CCDC148: variants seen among roughly 807,000 people sequenced by gnomAD.
CCDC148 encodes the protein coiled-coil domain-containing protein 148.
A neutral mutation model predicts 85.7 loss-of-function variants in CCDC148; 89 were observed. The ratio of observed to expected loss-of-function variants is 1.04; its 90% CI spans 0.87 to 1.24. The LOEUF (loss-of-function observed/expected upper bound fraction) is 1.24. Among genes scored for constraint, CCDC148 ranks in the 50% most tolerant of loss-of-function variants. The pLI, the probability that CCDC148 is intolerant of heterozygous loss-of-function variation, is 0.00. For missense variants in CCDC148, 692 were observed against 671.7 expected, an observed-to-expected ratio of 1.03 and a Z score of -0.33; for synonymous variants, 230 against 213.9, an observed-to-expected ratio of 1.08 and a Z score of -0.66.
chr2:158,447,819 T>C (rs1033844443), intron 1 of CCDC148, among the ~76,000 whole-genome samples: 1 of 152,200 alleles, frequency 6.6e-6, no homozygotes, highest in Admixed American at 6.5e-5. Context: ...GACCTAGGAA[T>C]TTTTTCACAG....
chr2:158,269,597 G>A (rs1393710815), intron 9 of CCDC148, among the ~76,000 whole-genome samples: 3 of 152,128 alleles, frequency 2.0e-5, no homozygotes, highest in Non-Finnish European at 4.4e-5. Flanking sequence ...ATGAGTACAT[G>A]TTTCTCTCTT....
intron 1 of CCDC148, among the ~76,000 whole-genome samples, chr2:158,391,082 A>G (rs1487655001): frequency 6.6e-6 from 1 of 152,180 alleles, no homozygotes; most frequent in Non-Finnish European, 1.5e-5. Flanking sequence ...TATTCTTATT[A>G]CATTCTAGAC....
intron 1 of CCDC148, among the ~76,000 whole-genome samples, chr2:158,432,728 A>C (rs1191231321): frequency 6.6e-6 from 1 of 152,098 alleles, no homozygotes; most frequent in Non-Finnish European, 1.5e-5. Context: ...ACACACCCCA[A>C]GTCTTTTCAA....
intron 1 of CCDC148, chr2:158,424,802 T>C (rs1001253940): frequency 5.0e-6 from 1 of 200,738 alleles, no homozygotes; most frequent in East Asian, 1.5e-4. Flanking sequence ...TTAAAGAATA[T>C]ATTGGAGCCT....
intron 1 of CCDC148, among the ~76,000 whole-genome samples, chr2:158,439,027 G>A (rs1361259610): frequency 1.3e-5 from 2 of 152,174 alleles, no homozygotes; most frequent in Non-Finnish European, 2.9e-5. Flanking sequence ...CACTGTTGGT[G>A]GGACTGTAAA....
chr2:158,345,075 T>G (rs1682924856), intron 3 of CCDC148, 140 bp downstream of exon 3: 1 of 556,022 alleles, frequency 1.8e-6, no homozygotes, highest in Non-Finnish European at 3.1e-6. Context: ...GAAAGGATTT[T>G]AATTTGACTC....
intron 1 of CCDC148, among the ~76,000 whole-genome samples, chr2:158,390,392 T>C (rs1161752863): frequency 1.3e-5 from 2 of 151,984 alleles, no homozygotes; most frequent in Non-Finnish European, 2.9e-5. Context: ...AGAGTCCAAG[T>C]TTGGAATTAA....
At chr2:158,230,366 C>G (rs1046167657) in intron 10 of CCDC148, among the ~76,000 whole-genome samples, 19 of 152,238 alleles carry the variant, frequency 1.2e-4, no homozygotes, top group African/African-American at 4.1e-4. Flanking sequence ...AATAGGACAT[C>G]TGGATGACAT....
chr2:158,377,835 C>T (rs372095999), intron 1 of CCDC148, among the ~76,000 whole-genome samples: 1 of 152,062 alleles, frequency 6.6e-6, no homozygotes, highest in East Asian at 1.9e-4. Context: ...ACTGCATGCA[C>T]ATAAGAAAGC....
Position 158,314,331 on chromosome 2 carries a change from G to A in CCDC148, c.765-437C>T, listed in dbSNP as rs527809206. ...ACAGTTAAATGAGCAATTATGTAAC[G>A]GAAAATAAAGACAGACTGAGGAAGA... On this transcript the variant is annotated intron_variant, in intron 7 of 13. Coordinates refer to ENST00000283233, the MANE Select transcript of CCDC148 (RefSeq NM_138803.4). Among the ~76,000 whole-genome samples, 80 of 152,234 alleles carry A rather than the reference G, an allele frequency of 5.3e-4. No homozygotes were observed. The East Asian group carries it at 7.7e-3, about 15-fold the overall frequency.
At chr2:158,271,129 T>C (rs2602204) in intron 9 of CCDC148, among the ~76,000 whole-genome samples, 138,964 of 152,214 alleles carry the variant, frequency 0.91, 63,524 homozygotes, top group East Asian at 0.98. Context: ...TCATCATCAC[T>C]TTCACTTTCA....
rs373844960 is a variant in CCDC148, at chr2:158,259,836, C to CT, written c.1111-8925dup. Among the ~76,000 whole-genome samples the CT allele has an allele frequency of 4.5e-3, 681 of 152,010 alleles. 2 individuals are homozygous for CT. The highest frequency in any genetic ancestry group is 0.016 in the African/African-American group (646 of 41,516). On this transcript the variant is annotated intron_variant, in intron 9 of 13. Coordinates refer to ENST00000283233, the MANE Select transcript of CCDC148 (RefSeq NM_138803.4). Reference sequence around the variant, plus strand: ...TCCTCCCCACTCCTACACGTCCTTGCTTATCTCCATCCCAGGCCTTGCCTG... The same window carrying CT: ...TCCTCCCCACTCCTACACGTCCTTGCTTTATCTCCATCCCAGGCCTTGCCTG...
rs766790880 is a variant in CCDC148, at chr2:158,250,945, C to G, written c.1111-33G>C. On this transcript the variant is annotated intron_variant, in intron 9 of 13. Coordinates refer to ENST00000283233, the MANE Select transcript of CCDC148 (RefSeq NM_138803.4). ...AAAGAGAAAAACTTCATTCCAGTAA[C>G]TATGCACACTGAAGTTATTTCATAG... is the stretch of plus-strand genomic sequence containing the variant. 3 of 1,575,486 alleles carry G rather than the reference C, an allele frequency of 1.9e-6. No individual in the cohort carries two copies. The Admixed American group carries it at 5.7e-5, about 30-fold the overall frequency.
At chr2:158,450,940 A>G (rs986127148) in intron 1 of CCDC148, among the ~76,000 whole-genome samples, 6 of 151,996 alleles carry the variant, frequency 3.9e-5, no homozygotes, top group African/African-American at 1.4e-4. Flanking sequence ...ATAAATTGGT[A>G]TACTTCGATT....
At chr2:158,243,635 C>T (rs1688444255) in intron 10 of CCDC148, among the ~76,000 whole-genome samples, 1 of 152,080 alleles carries the variant, frequency 6.6e-6, no homozygotes, top group Non-Finnish European at 1.5e-5. Flanking sequence ...CCAGAAGGGT[C>T]TTTTATATAA....
intron 9 of CCDC148, among the ~76,000 whole-genome samples, chr2:158,274,007 G>T (rs918403164): frequency 6.6e-6 from 1 of 152,158 alleles, no homozygotes; most frequent in East Asian, 1.9e-4. Context: ...GGCCTCCAGG[G>T]CTATGTTCCA....
intron 1 of CCDC148, among the ~76,000 whole-genome samples, chr2:158,451,475 G>C (rs1688401594): frequency 6.6e-6 from 1 of 152,058 alleles, no homozygotes; most frequent in South Asian, 2.1e-4. Context: ...TATAACTACT[G>C]ATGTCTCTAA....
intron 1 of CCDC148, among the ~76,000 whole-genome samples, chr2:158,373,759 C>G (rs930053111): frequency 6.6e-6 from 1 of 151,952 alleles, no homozygotes; most frequent in Non-Finnish European, 1.5e-5. Flanking sequence ...TTCCTCTACC[C>G]CCAATTATTC....
intron 1 of CCDC148, among the ~76,000 whole-genome samples, chr2:158,378,277 C>A (rs1684736160): frequency 6.6e-6 from 1 of 152,072 alleles, no homozygotes; most frequent in African/African-American, 2.4e-5. Context: ...TTAAGCAAAA[C>A]CCTAATTCAG....
Sources: gnomAD v4.1 joint callset for allele counts (sites outside exome capture counted in the v4.1 genomes callset) on GRCh38, gnomAD v4.1.1 for gene constraint, MANE v1.5 for transcripts, NCBI Gene and HGNC (gene_info 2026-07-23, HGNC 2026-07-21) for gene names.